The following STK32B variants were observed in gnomAD, a reference collection of about 807,000 sequenced individuals.
The protein encoded by STK32B is serine/threonine-protein kinase 32B.
STK32B carries 43 observed loss-of-function variants against 52.6 expected under a neutral mutation model. That is an observed-to-expected ratio of 0.82 (90% CI 0.64 to 1.05). STK32B has a LOEUF of 1.05. Among genes scored for constraint, STK32B ranks in the 50% least tolerant of loss-of-function variants. The probability of loss-of-function intolerance (pLI) is 0.00; values close to 1 mark genes in which losing one functional copy is unlikely to be tolerated. For synonymous variants in STK32B, 238 were observed against 204.3 expected (o/e 1.17, Z -1.41); for missense variants, 621 against 534.6 (o/e 1.16, Z -1.59).
At chr4:5,496,352 G>A (rs565360944) in intron 11 of STK32B, among the ~76,000 whole-genome samples, 22 of 152,292 alleles carry the variant, frequency 1.4e-4, no homozygotes, top group South Asian at 1.0e-3. Context: ...AGCAATCAGC[G>A]AGACTCCGTG....
intron 1 of STK32B, among the ~76,000 whole-genome samples, chr4:5,088,766 T>A (rs1597017): frequency 1 from 151,868 of 152,004 alleles, 75,866 homozygotes; most frequent in Non-Finnish European, 1. Context: ...TTAAAAGTTA[T>A]AAAAAACCTT....
chr4:5,096,735 T>A (rs1010115853), intron 1 of STK32B, among the ~76,000 whole-genome samples: 10 of 152,196 alleles, frequency 6.6e-5, no homozygotes, highest in Non-Finnish European at 1.5e-4. Flanking sequence ...GGGCGGCGTT[T>A]ACATTTGTCA....
chr4:5,323,149 T>C (rs1449064402), intron 3 of STK32B, among the ~76,000 whole-genome samples: 1 of 152,156 alleles, frequency 6.6e-6, no homozygotes, highest in Non-Finnish European at 1.5e-5. Context: ...GACAGGAGTC[T>C]GACAGGTGGA....
At chr4:5,442,527 C>A (rs1333173338) in intron 6 of STK32B, among the ~76,000 whole-genome samples, 1 of 150,062 alleles carries the variant, frequency 6.7e-6, no homozygotes. Flanking sequence ...TTCCTGAATA[C>A]AGCACACTGA....
the STK32B span, among the ~76,000 whole-genome samples, chr4:5,023,219 G>A: frequency 6.6e-6 from 1 of 152,156 alleles, no homozygotes; most frequent in Non-Finnish European, 1.5e-5. Flanking sequence ...GGAATTGTAA[G>A]ATCATAAATT....
At chr4:5,341,075 A>G (rs1302434478) in intron 4 of STK32B, among the ~76,000 whole-genome samples, 3 of 152,192 alleles carry the variant, frequency 2.0e-5, no homozygotes, top group African/African-American at 4.8e-5. Context: ...TATTGTTCAA[A>G]TTGCACTGAA....
intron 6 of STK32B, chr4:5,436,779 G>A (rs1335372705): frequency 2.1e-5 from 13 of 631,536 alleles, no homozygotes; most frequent in Non-Finnish European, 2.2e-5. Context: ...TGACCTCAGG[G>A]GTACTACTGG....
chr4:5,229,536 T>G (rs1427345559), intron 3 of STK32B, among the ~76,000 whole-genome samples: 1 of 152,214 alleles, frequency 6.6e-6, no homozygotes, highest in Non-Finnish European at 1.5e-5. Flanking sequence ...TATGTCAGTT[T>G]CACCTTTTCC....
At chr4:5,148,805 T>C (rs1431724060) in intron 2 of STK32B, among the ~76,000 whole-genome samples, 1 of 151,860 alleles carries the variant, frequency 6.6e-6, no homozygotes, top group Non-Finnish European at 1.5e-5. Context: ...AGTTGTTTTA[T>C]TTCTGGACAG....
chr4:5,161,293 A>G (rs1718424833), intron 2 of STK32B, among the ~76,000 whole-genome samples: 4 of 152,190 alleles, frequency 2.6e-5, no homozygotes, highest in African/African-American at 4.8e-5. Context: ...CATAATTTGT[A>G]TATCAGTTGT....
chr4:5,164,455 A>G (rs899847762), intron 2 of STK32B, among the ~76,000 whole-genome samples: 4 of 152,140 alleles, frequency 2.6e-5, no homozygotes, highest in African/African-American at 9.7e-5. Context: ...ACTTAATTAC[A>G]TCTGCAAAGA....
intron 1 of STK32B, among the ~76,000 whole-genome samples, chr4:5,098,955 C>T (rs540931809): frequency 8.5e-5 from 13 of 152,310 alleles, no homozygotes; most frequent in Non-Finnish European, 1.9e-4. Flanking sequence ...CTGCCATCTC[C>T]AGTGGCTTAA....
At chr4:5,121,851 G>A (rs967274620) in intron 1 of STK32B, among the ~76,000 whole-genome samples, 1 of 152,168 alleles carries the variant, frequency 6.6e-6, no homozygotes, top group Admixed American at 6.5e-5. Context: ...TCCTGTTCAG[G>A]AGACTTGTCC....
chr4:5,498,181 A>T (rs1306894297), intron 11 of STK32B, among the ~76,000 whole-genome samples: 2 of 152,146 alleles, frequency 1.3e-5, no homozygotes. Context: ...GCCTCCTTAA[A>T]CGTCTCCATT....
At chr4:5,105,193 G>T in intron 1 of STK32B, among the ~76,000 whole-genome samples, 1 of 152,050 alleles carries the variant, frequency 6.6e-6, no homozygotes, top group East Asian at 1.9e-4. Context: ...TTGAAGGCTG[G>T]GTGCAGTGGC....
rs187580408 is a variant in STK32B at position 5,124,507 on chromosome 4, T to C, written c.53-15398T>C. ...GGACTGAGTTTGGTTTGTTCCTGGCTCAGGGCCTGGAATAGAGCCACATCC... is the reference window on the plus strand; with the variant it reads ...GGACTGAGTTTGGTTTGTTCCTGGCCCAGGGCCTGGAATAGAGCCACATCC... On this transcript the variant is annotated intron_variant, in intron 1 of 11. Transcript: ENST00000282908. Among the ~76,000 whole-genome samples, 168 of 152,250 alleles carry C rather than the reference T, an allele frequency of 1.1e-3. 7 individuals carry two copies. Among genetic ancestry groups the C allele is most frequent in the Non-Finnish European group, 7.8e-4 (53 of 68,008 alleles).
intron 1 of STK32B, among the ~76,000 whole-genome samples, chr4:5,135,661 G>T (rs1716030114): frequency 1.3e-5 from 2 of 152,182 alleles, no homozygotes; most frequent in South Asian, 2.1e-4. Flanking sequence ...CCCTGCATCT[G>T]TCTTGATCCT....
the STK32B span, among the ~76,000 whole-genome samples, chr4:5,044,163 C>T: frequency 6.6e-6 from 1 of 152,176 alleles, no homozygotes; most frequent in Non-Finnish European, 1.5e-5. Context: ...AGGGCTCTTC[C>T]TTCCCATCCC....
At chr4:5,188,221 G>A (rs1720898358) in intron 3 of STK32B, among the ~76,000 whole-genome samples, 1 of 152,204 alleles carries the variant, frequency 6.6e-6, no homozygotes, top group African/African-American at 2.4e-5. Context: ...GGTGGCGGCT[G>A]TGCAGATGGA....
Sources: allele counts gnomAD v4.1 joint callset (sites outside exome capture counted in the v4.1 genomes callset), GRCh38; gene constraint gnomAD v4.1.1; transcripts MANE v1.5; gene names NCBI Gene and HGNC (gene_info 2026-07-23, HGNC 2026-07-21).